BTAF1: variants seen among roughly 807,000 people sequenced by gnomAD.
BTAF1 encodes the protein B-TFIID TATA-box binding protein associated factor 1.
BTAF1 carries 38 observed loss-of-function variants against 227.1 expected under a neutral mutation model. The observed-to-expected ratio is 0.17, with a 90% CI of 0.13 to 0.22. The LOEUF (loss-of-function observed/expected upper bound fraction) is 0.22, where lower values mean the gene tolerates loss of function less well. Ranked by LOEUF, BTAF1 falls within the 10% of genes least tolerant of loss-of-function variation. The pLI, the probability that BTAF1 is intolerant of heterozygous loss-of-function variation, is 1.00. For synonymous variants in BTAF1, 742 were observed against 751.9 expected (o/e 0.99, Z 0.21); for missense variants, 1,598 against 2,204.0 (o/e 0.73, Z 5.51).
intron 5 of BTAF1, among the ~76,000 whole-genome samples, chr10:91,953,114 C>T (rs991970595): frequency 6.6e-6 from 1 of 152,186 alleles, no homozygotes; most frequent in African/African-American, 2.4e-5. Context: ...AGAACATCCA[C>T]ACCAGTGACC....
At chr10:92,003,932 A>G (rs1031142507) in intron 25 of BTAF1, among the ~76,000 whole-genome samples, 9 of 152,228 alleles carry the variant, frequency 5.9e-5, no homozygotes, top group East Asian at 1.9e-4. Flanking sequence ...AATAATAGCT[A>G]TTCTAACAGT....
At chr10:91,928,253 A>G (rs1844005182) in intron 1 of BTAF1, among the ~76,000 whole-genome samples, 1 of 152,104 alleles carries the variant, frequency 6.6e-6, no homozygotes, top group South Asian at 2.1e-4. Context: ...TTCAGTTGTA[A>G]GAATGTGGCA....
At chr10:91,987,246 G>C (rs1848463271) in intron 19 of BTAF1, among the ~76,000 whole-genome samples, 1 of 152,088 alleles carries the variant, frequency 6.6e-6, no homozygotes, top group Admixed American at 6.5e-5. Flanking sequence ...CACTTTGGGA[G>C]GCCGAGGTGG....
At chr10:92,022,034 C>T (rs1342582944) in intron 34 of BTAF1, among the ~76,000 whole-genome samples, 16 of 152,096 alleles carry the variant, frequency 1.1e-4, no homozygotes, top group African/African-American at 3.6e-4. Flanking sequence ...ATTAGATGGC[C>T]TTGGTAAATA....
At position 92,001,985 on chromosome 10, in the gene BTAF1, TACAC is replaced by T. The variant is rs71025380; in HGVS notation, c.3660+4261_3660+4264del. 5.2e-3 allele frequency among the ~76,000 whole-genome samples: 383 copies of T among 73,360 alleles called. 10 individuals are homozygous for T. The highest frequency in any genetic ancestry group is 0.016 in the African/African-American group (371 of 23,514). 48.1% of individuals were successfully genotyped at this position (73,360 alleles called of 152,430 possible). Reference sequence around the variant, plus strand: ...AAAAAAAACCATATATATATATATATACACACACACACACACACACACACACACA... The same window carrying T: ...AAAAAAAACCATATATATATATATATACACACACACACACACACACACACA... On this transcript the variant is annotated intron_variant, in intron 25 of 37. Transcript: ENST00000265990.
chr10:92,023,367 G>C (rs575093212), intron 34 of BTAF1, among the ~76,000 whole-genome samples: 8 of 152,268 alleles, frequency 5.3e-5, no homozygotes, highest in Non-Finnish European at 1.0e-4. Context: ...ACTTCTGTTA[G>C]TAGAAAGGAG....
At chr10:92,026,852 A>G in intron 36 of BTAF1, 101 bp downstream of exon 36, 1 of 1,288,748 alleles carries the variant, frequency 7.8e-7, no homozygotes, top group Non-Finnish European at 1.1e-6. Context: ...TGGTGTTAAC[A>G]TACATGTGTT....
At chr10:91,971,030 G>A (rs1847258698) in intron 14 of BTAF1, among the ~76,000 whole-genome samples, 1 of 152,144 alleles carries the variant, frequency 6.6e-6, no homozygotes, top group Non-Finnish European at 1.5e-5. Context: ...GTTCCCTTTA[G>A]ACTTTTAAAA....
At chr10:91,988,051 T>TTC (rs1187150654) in intron 19 of BTAF1, among the ~76,000 whole-genome samples, 1 of 152,232 alleles carries the variant, frequency 6.6e-6, no homozygotes, top group Non-Finnish European at 1.5e-5. Context: ...GATTGGCCTG[T>TTC]TCTTTAAAAA....
rs10509640 is a variant in BTAF1, at chr10:91,924,389, G to C, written c.14+299G>C. On this transcript the variant is annotated intron_variant, in intron 1 of 37. Coordinates refer to ENST00000265990, the MANE Select transcript of BTAF1 (RefSeq NM_003972.3). ...GTTTCTCTTCCCTCTTTCGATTCTA[G>C]GGGAGTCTCTTATCTTTCTCAGTAT... Among the ~76,000 whole-genome samples, 20,974 of 152,088 alleles carry C rather than the reference G, an allele frequency of 0.14. 1,713 individuals are homozygous for C. Among genetic ancestry groups the C allele is most frequent in the East Asian group, 0.22 (1,136 of 5,172 alleles).
intron 25 of BTAF1, among the ~76,000 whole-genome samples, chr10:92,000,236 C>T (rs1275147151): frequency 6.6e-6 from 1 of 152,304 alleles, no homozygotes; most frequent in East Asian, 1.9e-4. Flanking sequence ...TCTTTCAACT[C>T]CAAGATCTTC....
At chr10:91,952,309 A>T (rs1205717207) in intron 5 of BTAF1, among the ~76,000 whole-genome samples, 2 of 152,114 alleles carry the variant, frequency 1.3e-5, no homozygotes, top group Non-Finnish European at 2.9e-5. Flanking sequence ...GCTGTACCAT[A>T]ATTTCACTCT....
In BTAF1 at chr10:91,972,683, G is replaced by A. The variant is rs539083442; in HGVS notation, c.1650+5926G>A. ...AAAGTTACTTATTGATTAATTTATA[G>A]CTGTGTGCAAACTCTTTGTGGTGCA... is the stretch of plus-strand genomic sequence containing the variant. On this transcript the variant is annotated intron_variant, in intron 14 of 37. Transcript: ENST00000265990. Among the ~76,000 whole-genome samples, 22 of 152,280 alleles carry A rather than the reference G, an allele frequency of 1.4e-4. No individual in the cohort carries two copies. In the South Asian group the frequency reaches 4.2e-3, roughly 29 times the overall value.
chr10:91,945,137 G>C (rs1382814380), intron 4 of BTAF1, among the ~76,000 whole-genome samples: 2 of 151,716 alleles, frequency 1.3e-5, no homozygotes, highest in Non-Finnish European at 2.9e-5. Flanking sequence ...CATGTGGCTG[G>C]TAAATTGAAT....
intron 13 of BTAF1, among the ~76,000 whole-genome samples, chr10:91,964,717 CA>C (rs1846761466): frequency 2.6e-5 from 4 of 152,058 alleles, no homozygotes; most frequent in Admixed American, 2.6e-4. Flanking sequence ...CAAATGAAGC[CA>C]AAAACATACA....
chr10:91,956,532 G>T lies in BTAF1; in HGVS notation c.706G>T (p.Asp236Tyr). Residue 236 changes from aspartate to tyrosine, a missense_variant, in exon 7 of 38, where the codon GAT (aspartate) becomes TAT (tyrosine). Physicochemically the swap from Asp to Tyr is radical, Grantham distance 160 (BLOSUM62 -3). Transcript: ENST00000265990. ...ATGGTGACTTTTATTTTTTAGCAAT[G>T]ATAGCACTGATGGGGAGCCAGAAGA... The part of the protein sequence containing the change: ...DAVETNEKSN[D>Y]STDGEPEEKR... 6.2e-7 allele frequency: 1 copy of T among 1,601,222 alleles called. No homozygotes were observed. Among genetic ancestry groups the T allele is most frequent in the Non-Finnish European group, 8.5e-7 (1 of 1,176,474 alleles).
At chr10:91,950,150 G>GC (rs1491250627) in intron 4 of BTAF1, among the ~76,000 whole-genome samples, 4 of 29,958 alleles carry the variant, frequency 1.3e-4, no homozygotes, top group African/African-American at 1.7e-4. Flanking sequence ...GTCCTTTGTG[G>GC]GGGGGGGCGG....
chr10:91,997,262 T>TA (rs1849207107), intron 24 of BTAF1: 1 of 757,470 alleles, frequency 1.3e-6, no homozygotes, highest in Non-Finnish European at 1.9e-6. Context: ...TTCCTTTACT[T>TA]ACAATGTGAC....
Position 91,989,455 on chromosome 10 carries a change from C to G in BTAF1, c.2729C>G (p.Thr910Arg), listed in dbSNP as rs1351628771. The change falls in exon 20 of 38, where the codon ACA (threonine) becomes AGA (arginine). Residue 910 changes from threonine (T) to arginine (R), a missense_variant. Around this residue, in one of 10 missense-constraint regions of BTAF1, gnomAD observed 425 missense variants for 491.2 expected, o/e 0.87. Transcript: ENST00000265990. ...CIAKLLQQCT[T>R]RTPCPNSKII... ...GCTAAACTCCTTCAGCAGTGCACAA[C>G]AAGGACGCCCTGTCCCAATTCAAAA... 1 of 1,614,108 alleles carries G rather than the reference C, an allele frequency of 6.2e-7. No homozygotes were observed. The highest frequency in any genetic ancestry group is 1.3e-5 in the African/African-American group (1 of 75,066).
Sources: allele counts gnomAD v4.1 joint callset (sites outside exome capture counted in the v4.1 genomes callset), GRCh38; gene constraint gnomAD v4.1.1; regional missense constraint gnomAD v4.1.1; transcripts MANE v1.5; gene names NCBI Gene and HGNC (gene_info 2026-07-23, HGNC 2026-07-21).